RFPL1: variants seen among roughly 807,000 people sequenced by gnomAD.
RFPL1 encodes the protein ret finger protein like 1.
A neutral mutation model predicts 9.6 loss-of-function variants in RFPL1; 6 were observed. That is an observed-to-expected ratio of 0.62 (90% CI 0.34 to 1.23). The LOEUF (loss-of-function observed/expected upper bound fraction) is 1.23, where lower values mean the gene tolerates loss of function less well. RFPL1 is among the 50% of genes most tolerant of loss of function. The pLI is 0.03. For synonymous variants in RFPL1, 145 were observed against 149.4 expected (o/e 0.97, Z 0.22); for missense variants, 352 against 398.4 (o/e 0.88, Z 0.99).
the RFPL1 span, among the ~76,000 whole-genome samples, chr22:29,424,762 C>T: frequency 6.7e-6 from 1 of 149,530 alleles, no homozygotes; most frequent in Non-Finnish European, 1.5e-5. Context: ...GCGGAGGTTG[C>T]AGTGAGCCAA....
At chr22:29,442,369 G>T in exon 2 of RFPL1, 1 of 337,130 alleles carries the variant, frequency 3.0e-6, no homozygotes, top group Non-Finnish European at 5.3e-6. Flanking sequence ...CTGTATTCTG[G>T]GATCAATTTC....
At chr22:29,418,493 CTTCT>C in the RFPL1 span, among the ~76,000 whole-genome samples, 3 of 143,264 alleles carry the variant, frequency 2.1e-5, no homozygotes, top group African/African-American at 5.2e-5. Flanking sequence ...TCTTCTTCGT[CTTCT>C]TTTTTTTTTT....
the RFPL1 span, among the ~76,000 whole-genome samples, chr22:29,425,223 A>G: frequency 6.7e-6 from 1 of 150,248 alleles, no homozygotes; most frequent in Non-Finnish European, 1.5e-5. Flanking sequence ...AAAAAAAAAG[A>G]AAACCACACA....
At chr22:29,392,646 TG>T in the RFPL1 span, among the ~76,000 whole-genome samples, 1 of 152,268 alleles carries the variant, frequency 6.6e-6, no homozygotes, top group Admixed American at 6.5e-5. Flanking sequence ...TCCAAAGTGC[TG>T]GGATTACAGG....
the RFPL1 span, among the ~76,000 whole-genome samples, chr22:29,399,700 C>T: frequency 1.3e-5 from 2 of 152,210 alleles, no homozygotes; most frequent in African/African-American, 2.4e-5. Context: ...CCGTTTTCCT[C>T]CTGTGATAAC....
chr22:29,441,597 C>T (rs977381144), exon 2 of RFPL1: 2 of 1,613,936 alleles, frequency 1.2e-6, no homozygotes, highest in Non-Finnish European at 1.7e-6. Context: ...TTTCTGACGA[C>T]CTCAGGAGCG....
At chr22:29,412,928 T>C in the RFPL1 span, among the ~76,000 whole-genome samples, 1 of 152,118 alleles carries the variant, frequency 6.6e-6, no homozygotes, top group Admixed American at 6.5e-5. Flanking sequence ...AGGGCCATGC[T>C]CTTCCACTGG....
chr22:29,439,629 GT>G, intron 1 of RFPL1: 1 of 138,344 alleles, frequency 7.2e-6, no homozygotes, highest in Non-Finnish European at 1.5e-5. Flanking sequence ...GTGAGACTCC[GT>G]CTCAAAAAAA....
chr22:29,441,741 A>T (rs772589466), exon 2 of RFPL1: 2 of 1,613,960 alleles, frequency 1.2e-6, no homozygotes, highest in African/African-American at 1.3e-5. Context: ...CAAGCACAGA[A>T]TGGGACCTGG....
the RFPL1 span, among the ~76,000 whole-genome samples, chr22:29,420,424 G>A: frequency 3.9e-5 from 6 of 152,028 alleles, no homozygotes; most frequent in East Asian, 1.9e-4. Flanking sequence ...TCTGCCTCCC[G>A]GGTTCCAGCA....
chr22:29,416,888 C>T, the RFPL1 span, among the ~76,000 whole-genome samples: 1 of 152,200 alleles, frequency 6.6e-6, no homozygotes, highest in Non-Finnish European at 1.5e-5. Context: ...TGGGTGGAAC[C>T]CTTCTCAACA....
chr22:29,404,082 A>G, the RFPL1 span, among the ~76,000 whole-genome samples: 1 of 151,890 alleles, frequency 6.6e-6, no homozygotes, highest in African/African-American at 2.4e-5. Flanking sequence ...GGAGCTGTAA[A>G]CAAGGGTAAG....
upstream of RFPL1, among the ~76,000 whole-genome samples, chr22:29,436,064 T>C (rs373982687): frequency 9.9e-5 from 15 of 151,706 alleles, 1 homozygote; most frequent in East Asian, 1.9e-3. Flanking sequence ...GCAGGGGAGC[T>C]TGGGGAGAGG....
chr22:29,409,224 C>T, the RFPL1 span, among the ~76,000 whole-genome samples: 3 of 152,106 alleles, frequency 2.0e-5, no homozygotes, highest in African/African-American at 7.2e-5. Flanking sequence ...TCAAAGAAAC[C>T]CCACTAGTAG....
chr22:29,402,122 C>T, the RFPL1 span, among the ~76,000 whole-genome samples: 3 of 152,300 alleles, frequency 2.0e-5, no homozygotes, highest in South Asian at 2.1e-4. Context: ...TAACCATGAT[C>T]GGCTTGTGGG....
chr22:29,402,117 A>G, the RFPL1 span, among the ~76,000 whole-genome samples: 2 of 152,196 alleles, frequency 1.3e-5, no homozygotes, highest in Non-Finnish European at 2.9e-5. Context: ...TCTGATAACC[A>G]TGATCGGCTT....
At chr22:29,393,780 A>G in the RFPL1 span, among the ~76,000 whole-genome samples, 1 of 151,962 alleles carries the variant, frequency 6.6e-6, no homozygotes, top group Non-Finnish European at 1.5e-5. Context: ...ATTTTTATTT[A>G]TTTATTTATT....
chr22:29,402,092 C>T, the RFPL1 span, among the ~76,000 whole-genome samples: 3 of 152,194 alleles, frequency 2.0e-5, no homozygotes, highest in Admixed American at 6.5e-5. Flanking sequence ...CCAAGCATGA[C>T]GTCTACCTTT....
chr22:29,412,566 A>G, the RFPL1 span, among the ~76,000 whole-genome samples: 2 of 152,160 alleles, frequency 1.3e-5, no homozygotes, highest in African/African-American at 4.8e-5. Context: ...GTCTTCCCAC[A>G]GATGGATAGA....
Sources: allele counts gnomAD v4.1 joint callset (sites outside exome capture counted in the v4.1 genomes callset), GRCh38; gene constraint gnomAD v4.1.1; transcripts MANE v1.5; gene names NCBI Gene and HGNC (gene_info 2026-07-23, HGNC 2026-07-21).